The following XXYLT1 variants were observed in gnomAD, a reference collection of about 807,000 sequenced individuals.
XXYLT1 encodes xyloside xylosyltransferase 1, also known as UDP-xylose:alpha-xyloside alpha-1,3-xylosyltransferase.
In XXYLT1, 20 loss-of-function variants were observed where a neutral mutation model predicts 28.9. The observed-to-expected ratio is 0.69, with a 90% CI of 0.49 to 1.00. The LOEUF (loss-of-function observed/expected upper bound fraction) is 1.00. XXYLT1 is among the 50% of genes least tolerant of loss of function. The probability of loss-of-function intolerance (pLI) is 0.00; values close to 1 mark genes in which losing one functional copy is unlikely to be tolerated. For missense variants in XXYLT1, 542 were observed against 560.1 expected (o/e 0.97, Z 0.33); for synonymous variants, 257 against 253.8 (o/e 1.01, Z -0.12).
intron 3 of XXYLT1, among the ~76,000 whole-genome samples, chr3:195,083,612 AC>A (rs917478879): frequency 6.6e-6 from 1 of 152,202 alleles, no homozygotes; most frequent in Non-Finnish European, 1.5e-5. Flanking sequence ...GAGGAGAAGA[AC>A]ACCTCTCCCC....
chr3:195,133,275 C>T lies in XXYLT1; in HGVS notation c.785+23174G>A, dbSNP rs1301613992. Among the ~76,000 whole-genome samples, 1 of 152,126 alleles carries T rather than the reference C, an allele frequency of 6.6e-6. No individual in the cohort carries two copies. The highest frequency in any genetic ancestry group is 1.5e-5 in the Non-Finnish European group (1 of 68,032). On this transcript the variant is annotated intron_variant, in intron 3 of 3. Transcript: ENST00000310380. This position sits in a 1 kb window ranked among gnomAD's most constrained non-coding sequence, Gnocchi z 4.4. Reference sequence around the variant, plus strand: ...GATAAAAAAAGGAAAATTAATTTTTCCTGAATGGCCCTGGAGTACCAGCAG... The same window carrying T: ...GATAAAAAAAGGAAAATTAATTTTTTCTGAATGGCCCTGGAGTACCAGCAG...
intron 2 of XXYLT1, among the ~76,000 whole-genome samples, chr3:195,220,574 C>T (rs555706261): frequency 1.1e-4 from 16 of 152,216 alleles, no homozygotes; most frequent in Non-Finnish European, 2.1e-4. Context: ...GCCTGGACTC[C>T]TACTCTCTCT....
chr3:195,088,013 C>A (rs140287680), intron 3 of XXYLT1, among the ~76,000 whole-genome samples: 1 of 151,690 alleles, frequency 6.6e-6, no homozygotes, highest in Non-Finnish European at 1.5e-5. Context: ...GATTACATCC[C>A]GCACCTGGCT....
In XXYLT1 at chr3:195,139,065, A is replaced by G. The variant is rs545111364; in HGVS notation, c.785+17384T>C. ...AGCTGGTGAGAGGAGAGGTGGGTGC[A>G]GGGAGGGAGTAGCTGCCCCCAGTGT... On this transcript the variant is annotated intron_variant, in intron 3 of 3. Transcript: ENST00000310380. 4.1e-3 allele frequency among the ~76,000 whole-genome samples: 623 copies of G among 152,218 alleles called. 18 individuals are homozygous for G. In the South Asian group the frequency reaches 0.044, roughly 11 times the overall value.
intron 3 of XXYLT1, among the ~76,000 whole-genome samples, chr3:195,108,493 A>G (rs544324777): frequency 6.6e-6 from 1 of 152,036 alleles, no homozygotes; most frequent in South Asian, 2.1e-4. Context: ...AAAAAACAAC[A>G]CACATATACA....
chr3:195,145,347 C>T (rs7652443), intron 3 of XXYLT1, among the ~76,000 whole-genome samples: 26,670 of 139,994 alleles, frequency 0.19, 2,993 homozygotes, highest in East Asian at 0.42. Flanking sequence ...GCCACATGAA[C>T]GGGCACATCA....
chr3:195,244,198 G>A (rs58297608), intron 1 of XXYLT1, among the ~76,000 whole-genome samples: 2,563 of 152,270 alleles, frequency 0.017, 71 homozygotes, highest in African/African-American at 0.057. Context: ...GATATGACCA[G>A]GGCAGGGTAG....
intron 1 of XXYLT1, among the ~76,000 whole-genome samples, chr3:195,248,088 C>T (rs1008675339): frequency 6.6e-6 from 1 of 152,176 alleles, no homozygotes; most frequent in African/African-American, 2.4e-5. Context: ...CACAAAGCCG[C>T]TCATCCAGTG....
At chr3:195,165,765 T>G (rs1721088628) in intron 2 of XXYLT1, among the ~76,000 whole-genome samples, 1 of 152,116 alleles carries the variant, frequency 6.6e-6, no homozygotes, top group South Asian at 2.1e-4. Flanking sequence ...AGATGGACGA[T>G]CTATCATCAT....
At chr3:195,207,390 A>G in intron 2 of XXYLT1, 1 of 445,798 alleles carries the variant, frequency 2.2e-6, no homozygotes, top group South Asian at 1.6e-5. Flanking sequence ...GGAGGTTCTC[A>G]GGCAACAGGA....
intron 2 of XXYLT1, among the ~76,000 whole-genome samples, chr3:195,162,944 G>C (rs1028121070): frequency 1.3e-5 from 2 of 152,164 alleles, no homozygotes; most frequent in African/African-American, 2.4e-5. Context: ...CATGGTCCCT[G>C]CTGGCCTTTC....
At chr3:195,145,370 T>C (rs1470027605) in intron 3 of XXYLT1, among the ~76,000 whole-genome samples, 930 of 83,534 alleles carry the variant, frequency 0.011, 4 homozygotes, top group Middle Eastern at 0.059. Flanking sequence ...CCACGGTGAC[T>C]GGCACTGATG....
intron 3 of XXYLT1, chr3:195,134,484 T>C (rs1049051462): frequency 6.5e-6 from 1 of 154,970 alleles, no homozygotes; most frequent in Non-Finnish European, 1.5e-5. Context: ...CTGCCTACAG[T>C]GTTCAGTACA....
At chr3:195,221,495 C>G (rs1193964988) in intron 2 of XXYLT1, among the ~76,000 whole-genome samples, 1 of 152,224 alleles carries the variant, frequency 6.6e-6, no homozygotes, top group African/African-American at 2.4e-5. Context: ...GAGAGCCTTC[C>G]AGGGGTGCAT....
At chr3:195,197,714 C>T (rs1469174601) in intron 2 of XXYLT1, among the ~76,000 whole-genome samples, 1 of 152,236 alleles carries the variant, frequency 6.6e-6, no homozygotes, top group Non-Finnish European at 1.5e-5. Context: ...TCTGCTCCAG[C>T]GAAGCTGCTT....
rs1723207834 is a variant in XXYLT1, at chr3:195,209,320, C to T, written c.652+17389G>A. On this transcript the variant is annotated intron_variant, in intron 2 of 3. Coordinates refer to ENST00000310380, the MANE Select transcript of XXYLT1 (RefSeq NM_152531.5). This position sits in a 1 kb window ranked among gnomAD's most constrained non-coding sequence, Gnocchi z 5.0. ...CTGTCTTGTCATCGAGTGCCACACC[C>T]GCTGGACCCCACTCACGTGGTGGAG... 1 of 152,496 alleles carries T rather than the reference C, an allele frequency of 6.6e-6. No homozygotes were observed. The highest frequency in any genetic ancestry group is 1.9e-4 in the East Asian group (1 of 5,182). 9.4% of individuals were successfully genotyped at this position (152,496 alleles called of 1,614,324 possible).
At chr3:195,175,116 G>T (rs1200380630) in intron 2 of XXYLT1, among the ~76,000 whole-genome samples, 1 of 152,196 alleles carries the variant, frequency 6.6e-6, no homozygotes, top group African/African-American at 2.4e-5. Flanking sequence ...CGATGAAAAA[G>T]CTCTACCCCA....
chr3:195,206,138 G>A (rs1257791761), intron 2 of XXYLT1, among the ~76,000 whole-genome samples: 4 of 150,032 alleles, frequency 2.7e-5, no homozygotes, highest in Non-Finnish European at 4.4e-5. Context: ...CATTCTCCGA[G>A]TAGCTGGGAC....
At chr3:195,112,893 GCAGCCCC>G (rs909765604) in intron 3 of XXYLT1, among the ~76,000 whole-genome samples, 3 of 150,430 alleles carry the variant, frequency 2.0e-5, no homozygotes, top group Non-Finnish European at 4.4e-5. Flanking sequence ...GCACATACAC[GCAGCCCC>G]CAGCCTCCAG....
Sources: gnomAD v4.1 joint callset for allele counts (sites outside exome capture counted in the v4.1 genomes callset) on GRCh38, gnomAD v4.1.1 for gene constraint, Gnocchi (gnomAD v3.1) non-coding constraint, MANE v1.5 for transcripts, NCBI Gene and HGNC (gene_info 2026-07-23, HGNC 2026-07-21) for gene names.